The following MAPK3 variants were observed in gnomAD, a reference collection of about 807,000 sequenced individuals.
The protein encoded by MAPK3 is mitogen-activated protein kinase 3.
Under a neutral mutation model 41.8 loss-of-function variants are expected in MAPK3, and 30 were observed. The ratio of observed to expected loss-of-function variants is 0.72; its 90% confidence interval spans 0.54 to 0.97. The LOEUF is 0.97. MAPK3 is among the 50% of genes least tolerant of loss of function. The probability of loss-of-function intolerance (pLI) is 0.00; values close to 1 mark genes in which losing one functional copy is unlikely to be tolerated. For missense variants in MAPK3, 413 were observed against 509.9 expected, an observed-to-expected ratio of 0.81 and a Z score of 1.83; for synonymous variants, 222 against 213.4, an observed-to-expected ratio of 1.04 and a Z score of -0.35.
chr16:30,123,074 G>T lies in MAPK3; in HGVS notation c.136C>A (p.Gln46Lys). The change falls in exon 1 of 9, where the codon CAG (glutamine) becomes AAG (lysine). Residue 46 changes from glutamine to lysine, a missense_variant. Around this residue, in one of 4 missense-constraint regions of MAPK3, gnomAD observed 145 missense variants for 133.0 expected, o/e 1.09. Transcript: ENST00000263025. ...CCGTACGCGCCCTCGCCGATGTACT[G>T]CAACTGCGTGTAGCGCGGGCCCACG... ...FDVGPRYTQL[Q>K]YIGEGAYGMV... 1 of 1,570,514 alleles carries T rather than the reference G, an allele frequency of 6.4e-7. No individual in the cohort carries two copies. The highest frequency in any genetic ancestry group is 8.6e-7 in the Non-Finnish European group (1 of 1,160,486).
intron 1 of MAPK3, chr16:30,122,831 G>T: frequency 2.2e-6 from 1 of 454,002 alleles, no homozygotes; most frequent in Non-Finnish European, 3.9e-6. Flanking sequence ...AAGCCTCCAA[G>T]CCTGCTCCCC....
intron 2 of MAPK3, among the ~76,000 whole-genome samples, chr16:30,119,688 A>G (rs1266609886): frequency 4.6e-5 from 7 of 152,232 alleles, no homozygotes; most frequent in African/African-American, 1.4e-4. Flanking sequence ...TGCAAGAAAA[A>G]TGAGGAGACA....
In MAPK3 at chr16:30,118,176, C is replaced by G. The variant is rs1227904871; in HGVS notation, c.544-13G>C. The stretch of plus-strand genomic sequence containing the variant: ...CGAAATCACAAATCTGGAATCAGAC[C>G]TAGCTGCTAAGCTCGGCGCTCAAGG... On this transcript the variant is annotated splice_polypyrimidine_tract_variant and intron_variant, in intron 3 of 8. Transcript: ENST00000263025. 1.9e-6 allele frequency: 3 copies of G among 1,612,386 alleles called. No homozygotes were observed. In the African/African-American group the frequency reaches 4.0e-5, roughly 22 times the overall value.
At chr16:30,118,683 T>C (rs1286847730) in intron 2 of MAPK3, 145 bp from the exon 3 acceptor site, 3 of 613,902 alleles carry the variant, frequency 4.9e-6, no homozygotes, top group Non-Finnish European at 8.3e-6. Context: ...CACCACCAGC[T>C]GGGGAAGCTG....
chr16:30,123,042 G>T lies in MAPK3; in HGVS notation c.168C>A (p.Val56=). 1 of 1,510,012 alleles carries T rather than the reference G, an allele frequency of 6.6e-7. No homozygotes were observed. Among genetic ancestry groups the T allele is most frequent in the South Asian group, 1.2e-5 (1 of 81,540 alleles). 93.5% of individuals were successfully genotyped at this position (1,510,012 alleles called of 1,614,324 possible). A position where few individuals can be genotyped will look rare whatever the true frequency, so the allele number is the denominator to read the frequency against. Residue 56 remains valine, a splice_region_variant and synonymous_variant, in exon 1 of 9, where the codon GTC becomes GTA. Coordinates refer to ENST00000263025, the MANE Select transcript of MAPK3 (RefSeq NM_002746.3). Reference sequence around the variant, plus strand: ...CCTCCCCCGGAACGCCCCCTCACCTGACCATGCCGTACGCGCCCTCGCCGA... The same window carrying T: ...CCTCCCCCGGAACGCCCCCTCACCTTACCATGCCGTACGCGCCCTCGCCGA... ...QYIGEGAYGM[V]SSAYDHVRKT...
chr16:30,115,690 T>A (rs887924434), intron 8 of MAPK3: 1 of 151,190 alleles, frequency 6.6e-6, no homozygotes, highest in Non-Finnish European at 1.5e-5. Flanking sequence ...GGATGCAAGG[T>A]GTTGACAGGC....
At position 30,118,097 on chromosome 16, in the gene MAPK3, A is replaced by G; in HGVS notation, c.610T>C (p.Tyr204His). 1.2e-6 allele frequency: 2 copies of G among 1,613,804 alleles called. No individual in the cohort carries two copies. Among genetic ancestry groups the G allele is most frequent in the Non-Finnish European group, 1.7e-6 (2 of 1,179,952 alleles). ...EHDHTGFLTE[Y>H]VATRWYRAPE... ...GCCCGGTACCAGCGCGTAGCCACATACTCCGTCAGGAAGCCGGTGTGGTCA... is the reference window on the plus strand; with the variant it reads ...GCCCGGTACCAGCGCGTAGCCACATGCTCCGTCAGGAAGCCGGTGTGGTCA... Residue 204 changes from tyrosine (Y) to histidine (H), a missense_variant, in exon 4 of 9, where the codon TAT becomes CAT. Physicochemically the swap from Tyr to His is moderately conservative, Grantham distance 83 (BLOSUM62 2). This residue lies in a region of MAPK3 where 140 missense variants were observed against 206.0 expected (regional missense o/e 0.68). Transcript: ENST00000263025.
At chr16:30,121,410 G>C (rs1319182443) in intron 2 of MAPK3, among the ~76,000 whole-genome samples, 1 of 152,156 alleles carries the variant, frequency 6.6e-6, no homozygotes, top group South Asian at 2.1e-4. Context: ...ACGCCCAGCT[G>C]ACAGTTTTCT....
intron 4 of MAPK3, 58 bp downstream of exon 4, chr16:30,117,989 G>T: frequency 6.8e-7 from 1 of 1,479,500 alleles, no homozygotes. Flanking sequence ...CTCAGAGGTA[G>T]CTCCAGGGCT....
chr16:30,120,943 CA>C (rs1251247969), intron 2 of MAPK3, among the ~76,000 whole-genome samples: 2 of 151,738 alleles, frequency 1.3e-5, no homozygotes, highest in Non-Finnish European at 2.9e-5. Flanking sequence ...CTTAGCCTCC[CA>C]AAGTGTTGGG....
rs2073036224 is a variant in MAPK3 at position 30,123,172 on chromosome 16, T to G, written c.38A>C (p.Glu13Ala). Residue 13 changes from glutamate (E) to alanine (A), a missense_variant, in exon 1 of 9, where the codon GAG (glutamate) becomes GCG (alanine). Physicochemically the swap from Glu to Ala is moderately radical, Grantham distance 107. Coordinates refer to ENST00000263025, the MANE Select transcript of MAPK3 (RefSeq NM_002746.3). ...AAAAQGGGGG[E>A]PRRTEGVGPG... ...GCCGACCCCCTCGGTTCTACGGGGC[T>G]CCCCGCCCCCGCCCCCCTGAGCCGC... 3 of 1,322,592 alleles carry G rather than the reference T, an allele frequency of 2.3e-6. No individual in the cohort carries two copies. The highest frequency in any genetic ancestry group is 3.0e-6 in the Non-Finnish European group (3 of 992,040). The allele number at this position is 1,322,592 out of a possible 1,614,324, so 81.9% of individuals were successfully genotyped here.
chr16:30,118,591 G>C (rs1290718005), intron 2 of MAPK3, 53 bp from the exon 3 acceptor site: 11 of 1,508,712 alleles, frequency 7.3e-6, no homozygotes, highest in Non-Finnish European at 1.0e-5. Flanking sequence ...GAGGCACTTG[G>C]TTAAGGAAAA....
At chr16:30,120,642 A>G (rs564141667) in intron 2 of MAPK3, among the ~76,000 whole-genome samples, 2 of 151,870 alleles carry the variant, frequency 1.3e-5, no homozygotes, top group Non-Finnish European at 2.9e-5. Flanking sequence ...CAGCAACAGA[A>G]ACACTTGATT....
At chr16:30,120,032 G>A (rs1465696618) in intron 2 of MAPK3, among the ~76,000 whole-genome samples, 4 of 152,180 alleles carry the variant, frequency 2.6e-5, no homozygotes. Flanking sequence ...AGCCGGGCGT[G>A]GTGGCAGGCG....
intron 7 of MAPK3, 34 bp downstream of exon 7, chr16:30,116,860 C>T (rs2072961334): frequency 8.7e-6 from 14 of 1,613,236 alleles, no homozygotes; most frequent in Non-Finnish European, 1.2e-5. Context: ...TGCTCCCCTG[C>T]CCCCAGCCCC....
chr16:30,117,204 G>C lies in MAPK3; in HGVS notation c.857C>G (p.Ser286Cys), dbSNP rs1225959995. The change falls in exon 6 of 9, where the codon TCC becomes TGC. Residue 286 changes from serine to cysteine, a missense_variant. Ser to Cys is a moderately radical substitution (Grantham distance 112). Around this residue, in one of 4 missense-constraint regions of MAPK3, gnomAD observed 123 missense variants for 147.8 expected, o/e 0.83. Transcript: ENST00000263025. ...CTTGGCCCAAGCCACCTTGGTCTTGGAGGGCAGAGACTGTAGGTAGTTTCG... is the reference window on the plus strand; with the variant it reads ...CTTGGCCCAAGCCACCTTGGTCTTGCAGGGCAGAGACTGTAGGTAGTTTCG... ...KARNYLQSLP[S>C]KTKVAWAKLF... 6.2e-7 allele frequency: 1 copy of C among 1,614,168 alleles called. No individual in the cohort carries two copies. The highest frequency in any genetic ancestry group is 8.5e-7 in the Non-Finnish European group (1 of 1,180,016).
At position 30,123,180 on chromosome 16, in the gene MAPK3, C is replaced by CCCGCCCCCCTGAGCCGCCGCCG; in HGVS notation, c.8_29dup (p.Glu13GlyfsTer11). 1 of 1,347,200 alleles carries CCCGCCCCCCTGAGCCGCCGCCG rather than the reference C, an allele frequency of 7.4e-7. No homozygotes were observed. The highest frequency in any genetic ancestry group is 9.9e-7 in the Non-Finnish European group (1 of 1,011,544). The allele number at this position is 1,347,200 out of a possible 1,614,324, so 83.5% of individuals were successfully genotyped here. Reference sequence around the variant, plus strand: ...CCTCGGTTCTACGGGGCTCCCCGCCCCCGCCCCCCTGAGCCGCCGCCGCCG... The same window carrying CCCGCCCCCCTGAGCCGCCGCCG: ...CCTCGGTTCTACGGGGCTCCCCGCCCCCGCCCCCCTGAGCCGCCGCCGCCGCCCCCCTGAGCCGCCGCCGCCG... On this transcript the variant is annotated frameshift_variant, in exon 1 of 9. Transcript: ENST00000263025. LOFTEE classifies it high-confidence loss of function.
At chr16:30,122,673 CA>C in intron 1 of MAPK3, 1 of 193,912 alleles carries the variant, frequency 5.2e-6, no homozygotes, top group Non-Finnish European at 1.1e-5. Context: ...CCCTTTCCCC[CA>C]AAACGGGCCC....
chr16:30,117,065 T>C (rs2072964254), intron 6 of MAPK3, 62 bp from the exon 7 acceptor site: 2 of 1,597,610 alleles, frequency 1.3e-6, no homozygotes, highest in African/African-American at 1.3e-5. Context: ...GAAGCATTGC[T>C]TTGCCTGTCT....
Sources: gnomAD v4.1 joint callset for allele counts (sites outside exome capture counted in the v4.1 genomes callset) on GRCh38, gnomAD v4.1.1 for gene constraint, gnomAD v4.1.1 regional missense constraint, MANE v1.5 for transcripts, NCBI Gene and HGNC (gene_info 2026-07-23, HGNC 2026-07-21) for gene names.